The following PTTG1IP2 variants were observed in gnomAD, a reference collection of about 807,000 sequenced individuals.
PTTG1IP2 encodes the protein PTTG1IP family member 2.
At chr7:90,496,349 A>G (rs140841211) in intron 6 of PTTG1IP2, among the ~76,000 whole-genome samples, 16 of 152,188 alleles carry the variant, frequency 1.1e-4, no homozygotes, top group East Asian at 7.7e-4. Context: ...CAGATTTTCT[A>G]TTTCTTAAGA....
chr7:90,497,563 CAAAAAAAAAA>C (rs758753541), intron 6 of PTTG1IP2, among the ~76,000 whole-genome samples: 1 of 44,376 alleles, frequency 2.3e-5, no homozygotes, highest in East Asian at 5.0e-4. Context: ...GAATCCGTCT[CAAAAAAAAAA>C]AAAAAAAAAA....
intron 3 of PTTG1IP2, among the ~76,000 whole-genome samples, 198 bp downstream of exon 3, chr7:90,487,618 T>TAAAATA (rs1797889691): frequency 6.6e-6 from 1 of 152,190 alleles, no homozygotes; most frequent in African/African-American, 2.4e-5. Context: ...GAACTTTAAG[T>TAAAATA]AAAATAAAAA....
chr7:90,496,227 AT>A (rs1797989033), intron 6 of PTTG1IP2, among the ~76,000 whole-genome samples: 1 of 152,160 alleles, frequency 6.6e-6, no homozygotes, highest in African/African-American at 2.4e-5. Flanking sequence ...AAGGATTGGT[AT>A]TAGTTATTTA....
chr7:90,483,042 T>TTGTG (rs1053085099), intron 2 of PTTG1IP2, among the ~76,000 whole-genome samples: 8 of 151,064 alleles, frequency 5.3e-5, no homozygotes, highest in Non-Finnish European at 8.9e-5. Flanking sequence ...TTCTGAAAAA[T>TTGTG]TGTGTGTGTG....
intron 4 of PTTG1IP2, among the ~76,000 whole-genome samples, chr7:90,490,101 C>T (rs892453867): frequency 4.6e-5 from 7 of 151,924 alleles, no homozygotes; most frequent in African/African-American, 1.7e-4. Flanking sequence ...TTTTACTGCT[C>T]TACTGAATTA....
chr7:90,493,299 CAT>C (rs1797960036), intron 5 of PTTG1IP2, among the ~76,000 whole-genome samples: 1 of 152,064 alleles, frequency 6.6e-6, no homozygotes, highest in African/African-American at 2.4e-5. Flanking sequence ...ATGGTAAGCA[CAT>C]ACACACTCTT....
intron 1 of PTTG1IP2, among the ~76,000 whole-genome samples, chr7:90,476,332 A>G (rs1462547652): frequency 6.6e-6 from 1 of 152,218 alleles, no homozygotes; most frequent in Non-Finnish European, 1.5e-5. Context: ...CACAGAAATC[A>G]TATGGAAGTT....
intron 6 of PTTG1IP2, among the ~76,000 whole-genome samples, chr7:90,502,766 G>A (rs1273446531): frequency 6.6e-6 from 1 of 152,200 alleles, no homozygotes; most frequent in Non-Finnish European, 1.5e-5. Flanking sequence ...GTAAACAGAT[G>A]TGCTATCATC....
chr7:90,494,111 G>T (rs1373311554), intron 5 of PTTG1IP2: 4 of 152,158 alleles, frequency 2.6e-5, no homozygotes, highest in Non-Finnish European at 5.9e-5. Flanking sequence ...AGCATCCACA[G>T]CTTTTCTGTC....
At position 90,503,891 on chromosome 7, in the gene PTTG1IP2, T is replaced by A. The variant is rs191564972; in HGVS notation, c.*51-9387T>A. The stretch of plus-strand genomic sequence containing the variant: ...CTATTGGAAAAATGGTGCCGACACA[T>A]TTGCCTGACACCAAGTTGCCATAAA... On this transcript the variant is annotated intron_variant, in intron 6 of 6. Transcript: ENST00000509356. 9.2e-5 allele frequency among the ~76,000 whole-genome samples: 14 copies of A among 152,308 alleles called. 1 individual carries two copies. The highest frequency in any genetic ancestry group is 1.3e-4 in the Admixed American group (2 of 15,304).
chr7:90,493,361 G>A (rs1797960770), intron 5 of PTTG1IP2, among the ~76,000 whole-genome samples: 1 of 152,162 alleles, frequency 6.6e-6, no homozygotes, highest in Non-Finnish European at 1.5e-5. Flanking sequence ...GTGATAATTG[G>A]ATCATGAAAT....
chr7:90,507,922 T>A (rs540895139), intron 6 of PTTG1IP2, among the ~76,000 whole-genome samples: 6 of 152,098 alleles, frequency 3.9e-5, no homozygotes, highest in Non-Finnish European at 8.8e-5. Flanking sequence ...TTGAGATCTT[T>A]CAAGGAAGAC....
At chr7:90,490,785 C>T (rs1328787905) in intron 4 of PTTG1IP2, among the ~76,000 whole-genome samples, 1 of 152,094 alleles carries the variant, frequency 6.6e-6, no homozygotes, top group Non-Finnish European at 1.5e-5. Flanking sequence ...AAATTCTGCC[C>T]ATAAGAGTAG....
In PTTG1IP2 at chr7:90,479,218, T is replaced by C. The variant is rs912296366; in HGVS notation, c.146-10T>C. 8.8e-4 allele frequency: 135 copies of C among 152,604 alleles called. No individual in the cohort carries two copies. The highest frequency in any genetic ancestry group is 3.0e-3 in the African/African-American group (126 of 41,446). The allele number at this position is 152,604 out of a possible 1,614,324, so 9.5% of individuals were successfully genotyped here. A position where few individuals can be genotyped will look rare whatever the true frequency, so the allele number is the denominator to read the frequency against. On this transcript the variant is annotated splice_polypyrimidine_tract_variant and intron_variant, in intron 1 of 6. Transcript: ENST00000509356. ...GGATTAATTTTGGACTTAATTTTTTTTAATTGTAGAATGTGCTGTAAAGAA... is the reference window on the plus strand; with the variant it reads ...GGATTAATTTTGGACTTAATTTTTTCTAATTGTAGAATGTGCTGTAAAGAA...
chr7:90,472,251 G>T (rs1797697856), intron 1 of PTTG1IP2, among the ~76,000 whole-genome samples: 1 of 147,266 alleles, frequency 6.8e-6, no homozygotes, highest in Non-Finnish European at 1.5e-5. Context: ...GCAAAATAAA[G>T]AAATAAAGGA....
At chr7:90,504,972 A>G (rs1798107893) in intron 6 of PTTG1IP2, among the ~76,000 whole-genome samples, 1 of 152,242 alleles carries the variant, frequency 6.6e-6, no homozygotes, top group Non-Finnish European at 1.5e-5. Context: ...AATAAACCCC[A>G]CATGGTTTTG....
At chr7:90,471,448 A>G (rs896828922) in intron 1 of PTTG1IP2, among the ~76,000 whole-genome samples, 1 of 152,242 alleles carries the variant, frequency 6.6e-6, no homozygotes, top group Non-Finnish European at 1.5e-5. Flanking sequence ...TCAAGAAATT[A>G]TAGAAAGCAC....
chr7:90,472,660 G>T (rs1260881417), intron 1 of PTTG1IP2, among the ~76,000 whole-genome samples: 1 of 152,082 alleles, frequency 6.6e-6, no homozygotes, highest in Non-Finnish European at 1.5e-5. Context: ...TAGCCTAGGG[G>T]GTACTGTTAT....
At chr7:90,500,848 A>G (rs1427691019) in intron 6 of PTTG1IP2, among the ~76,000 whole-genome samples, 1 of 152,204 alleles carries the variant, frequency 6.6e-6, no homozygotes, top group Non-Finnish European at 1.5e-5. Context: ...TCCTGAAAGG[A>G]ATATCTGTGC....
Sources: gnomAD v4.1 joint callset for allele counts (sites outside exome capture counted in the v4.1 genomes callset) on GRCh38, gnomAD v4.1.1 for gene constraint, MANE v1.5 for transcripts, NCBI Gene and HGNC (gene_info 2026-07-23, HGNC 2026-07-21) for gene names.